Variants in SENP7 observed in about 807,000 individuals in gnomAD.
SENP7 encodes the protein sentrin-specific protease 7.
Under a neutral mutation model 141.2 loss-of-function variants are expected in SENP7, and 64 were observed. The observed-to-expected ratio is 0.45, with a 90% CI of 0.37 to 0.56. The LOEUF is 0.56. Among genes scored for constraint, SENP7 ranks in the 20% least tolerant of loss-of-function variants. The pLI, the probability that SENP7 is intolerant of heterozygous loss-of-function variation, is 0.00. For missense variants in SENP7, 1,025 were observed against 1,212.2 expected, an observed-to-expected ratio of 0.85 and a Z score of 2.29; for synonymous variants, 382 against 426.4, an observed-to-expected ratio of 0.90 and a Z score of 1.28.
In SENP7 at chr3:101,343,891, T is replaced by A. The variant is rs530124841; in HGVS notation, c.1901A>T (p.Lys634Met). 9 of 1,612,162 alleles carry A rather than the reference T, an allele frequency of 5.6e-6. No homozygotes were observed. In the East Asian group the frequency reaches 1.8e-4, roughly 32 times the overall value. ...HNPVSQREEL[K>M]LKDIMTEISI... The stretch of plus-strand genomic sequence containing the variant: ...TATTTCCGTCATAATATCTTTCAGC[T>A]TCAATTCTTCTCTTTGTGAAACAGG... The change falls in exon 14 of 24, where the codon AAG becomes ATG. Residue 634 changes from lysine (K) to methionine (M), a missense_variant. Physicochemically the swap from Lys to Met is moderately conservative, Grantham distance 95. Transcript: ENST00000394095.
intron 8 of SENP7, 89 bp from the exon 9 acceptor site, chr3:101,366,858 T>C (rs2060051253): frequency 4.0e-6 from 3 of 752,170 alleles, no homozygotes; most frequent in South Asian, 3.8e-5. Context: ...GTAAAAATAT[T>C]ATATCACTTC....
chr3:101,360,714 T>A (rs1323375281), intron 11 of SENP7, among the ~76,000 whole-genome samples: 1 of 152,224 alleles, frequency 6.6e-6, no homozygotes, highest in Non-Finnish European at 1.5e-5. Context: ...TGGAGAAGTT[T>A]ATATAAGAAT....
chr3:101,404,907 G>C (rs560321099), intron 5 of SENP7, among the ~76,000 whole-genome samples: 64 of 152,282 alleles, frequency 4.2e-4, no homozygotes, highest in Non-Finnish European at 6.5e-4. Context: ...AAGAGACACA[G>C]GGAGAAGACA....
intron 5 of SENP7, among the ~76,000 whole-genome samples, chr3:101,411,305 C>T (rs948407960): frequency 6.6e-6 from 1 of 152,114 alleles, no homozygotes; most frequent in African/African-American, 2.4e-5. Flanking sequence ...CTATAAACTA[C>T]CCTTTCAAAT....
At chr3:101,347,774 C>A in intron 13 of SENP7, 98 bp downstream of exon 13, 16 of 494,848 alleles carry the variant, frequency 3.2e-5, no homozygotes, top group Non-Finnish European at 4.6e-5. Flanking sequence ...AAATTAATTT[C>A]AATTCACTGA....
chr3:101,467,643 CAG>C (rs1225412827), intron 3 of SENP7, among the ~76,000 whole-genome samples: 1 of 152,162 alleles, frequency 6.6e-6, no homozygotes, highest in Non-Finnish European at 1.5e-5. Context: ...AACTAACAAA[CAG>C]AGAGGAATAG....
At position 101,493,971 on chromosome 3, in the gene SENP7, GA is replaced by G; in HGVS notation, c.91-4del. 6.4e-7 allele frequency: 1 copy of G among 1,567,856 alleles called. No individual in the cohort carries two copies. The highest frequency in any genetic ancestry group is 8.8e-7 in the Non-Finnish European group (1 of 1,139,150). ...TTTGCATTTAACATCTTTCTTATCT[GA>G]AAATAGGATGAGAAAATAATTAGTT... On this transcript the variant is annotated splice_region_variant and splice_polypyrimidine_tract_variant and intron_variant, in intron 2 of 23. Coordinates refer to ENST00000394095, the MANE Select transcript of SENP7 (RefSeq NM_020654.5).
At chr3:101,359,382 TAATA>T (rs891782339) in intron 11 of SENP7, 1 of 149,354 alleles carries the variant, frequency 6.7e-6, no homozygotes, top group Non-Finnish European at 1.5e-5. Flanking sequence ...AATTTATATA[TAATA>T]TATATAAATA....
At chr3:101,497,985 T>C (rs1001882415) in intron 2 of SENP7, among the ~76,000 whole-genome samples, 2 of 152,168 alleles carry the variant, frequency 1.3e-5, no homozygotes, top group Admixed American at 6.6e-5. Context: ...TTTGTAGATA[T>C]GGGGTCTCAC....
intron 6 of SENP7, among the ~76,000 whole-genome samples, chr3:101,385,753 CTACCAAGGATCAT>C (rs1330032838): frequency 5.6e-4 from 86 of 152,294 alleles, no homozygotes; most frequent in Non-Finnish European, 3.5e-4. Flanking sequence ...CAAACTCTGT[CTACCAAGGATCAT>C]TACCAGCTGA....
intron 4 of SENP7, among the ~76,000 whole-genome samples, chr3:101,449,780 G>C (rs1215455438): frequency 2.0e-5 from 3 of 152,122 alleles, no homozygotes; most frequent in Non-Finnish European, 4.4e-5. Flanking sequence ...AAATTATAAA[G>C]ACCATCGAGG....
chr3:101,413,651 C>T (rs915377510), intron 5 of SENP7, among the ~76,000 whole-genome samples: 1 of 142,324 alleles, frequency 7.0e-6, no homozygotes, highest in Non-Finnish European at 1.5e-5. Context: ...GATATACTAA[C>T]AAGCTGTTTA....
chr3:101,488,995 G>C (rs865901578), intron 3 of SENP7, among the ~76,000 whole-genome samples: 1 of 152,144 alleles, frequency 6.6e-6, no homozygotes, highest in African/African-American at 2.4e-5. Flanking sequence ...GAAGAGATTG[G>C]GGGCCTCTTT....
intron 5 of SENP7, among the ~76,000 whole-genome samples, chr3:101,402,071 G>C (rs2061161294): frequency 6.6e-6 from 1 of 151,430 alleles, no homozygotes; most frequent in South Asian, 2.1e-4. Flanking sequence ...TGATGGAGAA[G>C]CTGCAGCAAG....
chr3:101,347,970 T>G lies in SENP7; in HGVS notation c.1739A>C (p.His580Pro), dbSNP rs775315909. 6.2e-7 allele frequency: 1 copy of G among 1,611,142 alleles called. No individual in the cohort carries two copies. Among genetic ancestry groups the G allele is most frequent in the Admixed American group, 1.7e-5 (1 of 59,912 alleles). ...FGLWKSKDDN[H>P]SKRSHAILFF... ...AAGAATAGCATGACTCCTTTTACTG[T>G]GATTATCATCCTTACTTTTCCATAA... is the stretch of plus-strand genomic sequence containing the variant. The change falls in exon 13 of 24, where the codon CAC becomes CCC. Residue 580 changes from histidine to proline, a missense_variant. By Grantham distance (77) the His-to-Pro change is moderately conservative. Transcript: ENST00000394095.
At chr3:101,369,250 C>A (rs751933602) in intron 7 of SENP7, among the ~76,000 whole-genome samples, 1 of 152,196 alleles carries the variant, frequency 6.6e-6, no homozygotes, top group East Asian at 1.9e-4. Context: ...AGTTTATACA[C>A]AGCAAGTCAC....
intron 4 of SENP7, among the ~76,000 whole-genome samples, chr3:101,436,576 G>A (rs2107742678): frequency 6.6e-6 from 1 of 151,868 alleles, no homozygotes; most frequent in East Asian, 1.9e-4. Flanking sequence ...AACCCTACAG[G>A]AAACAATCTA....
chr3:101,398,025 C>T (rs1340707298), intron 6 of SENP7, among the ~76,000 whole-genome samples: 2 of 152,218 alleles, frequency 1.3e-5, no homozygotes, highest in East Asian at 3.8e-4. Flanking sequence ...CAACAAGCTA[C>T]ATTTGTCAAT....
chr3:101,449,763 A>C (rs1243934013), intron 4 of SENP7, among the ~76,000 whole-genome samples: 1 of 152,216 alleles, frequency 6.6e-6, no homozygotes, highest in Non-Finnish European at 1.5e-5. Flanking sequence ...CACTGCAAAA[A>C]CATGCCAAAT....
Sources: allele counts gnomAD v4.1 joint callset (sites outside exome capture counted in the v4.1 genomes callset), GRCh38; gene constraint gnomAD v4.1.1; transcripts MANE v1.5; gene names NCBI Gene and HGNC (gene_info 2026-07-23, HGNC 2026-07-21).